Variants in DPY30 observed in about 807,000 individuals in gnomAD.
DPY30 encodes the protein protein dpy-30 homolog.
In DPY30, 6 loss-of-function variants were observed where a neutral mutation model predicts 16.2. The observed-to-expected ratio is 0.37, with a 90% confidence interval of 0.20 to 0.73. DPY30 has a LOEUF of 0.73. DPY30 is among the 30% of genes least tolerant of loss of function. The probability of loss-of-function intolerance (pLI) is 0.51; values close to 1 mark genes in which losing one functional copy is unlikely to be tolerated. For missense variants in DPY30, 73 were observed against 113.1 expected, an observed-to-expected ratio of 0.65 and a Z score of 1.61; for synonymous variants, 39 against 38.8, an observed-to-expected ratio of 1.00 and a Z score of -0.02.
rs188726572 is a variant in DPY30, at chr2:32,030,210, G to A, written c.85-474C>T. Among the ~76,000 whole-genome samples the A allele has an allele frequency of 3.3e-4, 50 of 152,160 alleles. 1 individual carries two copies. The highest frequency in any genetic ancestry group is 2.5e-3 in the East Asian group (13 of 5,186). On this transcript the variant is annotated intron_variant, in intron 3 of 4. Coordinates refer to ENST00000342166, the MANE Select transcript of DPY30 (RefSeq NM_001321209.2). Reference sequence around the variant, plus strand: ...AGCTAAAATTTATTACCATTGTCTTGTATTCACTGTTGTCATTTTTATGGT... The same window carrying A: ...AGCTAAAATTTATTACCATTGTCTTATATTCACTGTTGTCATTTTTATGGT...
At chr2:32,032,274 T>C (rs1446798005) in intron 3 of DPY30, among the ~76,000 whole-genome samples, 1 of 152,208 alleles carries the variant, frequency 6.6e-6, no homozygotes, top group Non-Finnish European at 1.5e-5. Flanking sequence ...GGACTGAAAA[T>C]TTTATTTTTC....
At chr2:32,028,955 C>G (rs1221042409) in intron 4 of DPY30, among the ~76,000 whole-genome samples, 1 of 151,854 alleles carries the variant, frequency 6.6e-6, no homozygotes, top group Non-Finnish European at 1.5e-5. Context: ...CATAGCAAGA[C>G]TCTGTCTCAA....
intron 2 of DPY30, 34 bp from the exon 3 acceptor site, chr2:32,039,360 GTC>G: frequency 1.9e-6 from 3 of 1,614,078 alleles, no homozygotes; most frequent in Non-Finnish European, 2.5e-6. Flanking sequence ...AGAGATATAA[GTC>G]CCCCCTTTCT....
chr2:32,032,414 A>G (rs1675574805), intron 3 of DPY30, among the ~76,000 whole-genome samples: 2 of 152,228 alleles, frequency 1.3e-5, no homozygotes, highest in South Asian at 2.1e-4. Context: ...TGACAGTATC[A>G]TCTTGAATGA....
Position 32,029,343 on chromosome 2 carries a change from T to C in DPY30, c.227+251A>G, listed in dbSNP as rs560210175. Among the ~76,000 whole-genome samples, 6 of 152,232 alleles carry C rather than the reference T, an allele frequency of 3.9e-5. No homozygotes were observed. The South Asian group carries it at 1.2e-3, about 32-fold the overall frequency. On this transcript the variant is annotated intron_variant, in intron 4 of 4. Coordinates refer to ENST00000342166, the MANE Select transcript of DPY30 (RefSeq NM_001321209.2). ...GATACAGAAAAATGTTATGTCATAA[T>C]AAATAAAAAGAAAAATCAAAATTAC...
chr2:32,027,992 TA>T (rs889382226), intron 4 of DPY30, among the ~76,000 whole-genome samples: 3 of 152,158 alleles, frequency 2.0e-5, no homozygotes, highest in African/African-American at 7.2e-5. Context: ...AAATAAATGG[TA>T]ATTTACAAAT....
rs753789103 is a variant in DPY30 at position 32,039,329 on chromosome 2, A to G, written c.37-3T>C. ...TCAGAGTGAGGATTTTCTGCAACCT[A>G]GAAAACAAAACACCGGTCACAGAGA... On this transcript the variant is annotated splice_region_variant and splice_polypyrimidine_tract_variant and intron_variant, in intron 2 of 4. Coordinates refer to ENST00000342166, the MANE Select transcript of DPY30 (RefSeq NM_001321209.2). 6.2e-7 allele frequency: 1 copy of G among 1,614,160 alleles called. No individual in the cohort carries two copies. Among genetic ancestry groups the G allele is most frequent in the South Asian group, 1.1e-5 (1 of 91,084 alleles).
chr2:32,036,856 G>A (rs1314669031), intron 3 of DPY30, among the ~76,000 whole-genome samples: 4 of 151,648 alleles, frequency 2.6e-5, no homozygotes, highest in South Asian at 2.1e-4. Context: ...GAGACAGAGC[G>A]AGACTCTGTT....
At chr2:32,030,077 A>AT (rs1304860728) in intron 3 of DPY30, among the ~76,000 whole-genome samples, 9 of 150,058 alleles carry the variant, frequency 6.0e-5, no homozygotes, top group African/African-American at 2.0e-4. Context: ...AAAAAAAAAA[A>AT]AAAAATAATG....
intron 3 of DPY30, among the ~76,000 whole-genome samples, chr2:32,035,892 C>T (rs1218973261): frequency 6.7e-6 from 1 of 150,342 alleles, no homozygotes. Flanking sequence ...CGAGATCACG[C>T]CATTGCACTC....
In DPY30 at chr2:32,024,117, A is replaced by T; in HGVS notation, c.*67T>A. 1.3e-5 allele frequency: 20 copies of T among 1,570,648 alleles called. No individual in the cohort carries two copies. In the South Asian group the frequency reaches 2.3e-4, roughly 18 times the overall value. On this transcript the variant is annotated 3_prime_UTR_variant, in exon 5 of 5. Coordinates refer to ENST00000342166, the MANE Select transcript of DPY30 (RefSeq NM_001321209.2). ...CCAAAAAGAGGGAATGATCATGGCA[A>T]TTAAAGCTGCCTCTTAATCATGTAA...
At chr2:32,039,013 A>G (rs1040364006) in intron 3 of DPY30, among the ~76,000 whole-genome samples, 4 of 152,220 alleles carry the variant, frequency 2.6e-5, no homozygotes, top group Non-Finnish European at 4.4e-5. Context: ...ATTAAAAGCC[A>G]CCAAGAAAAA....
chr2:32,038,446 G>A (rs1056124810), intron 3 of DPY30, among the ~76,000 whole-genome samples: 5 of 147,584 alleles, frequency 3.4e-5, no homozygotes, highest in African/African-American at 1.3e-4. Flanking sequence ...TAGGGACAGG[G>A]TCACATGCTG....
intron 5 of DPY30, chr2:32,013,352 A>G (rs927851312): frequency 6.6e-6 from 1 of 152,224 alleles, no homozygotes; most frequent in Non-Finnish European, 1.5e-5. Context: ...AAAGATCACA[A>G]TGCAATTGAA....
intron 3 of DPY30, among the ~76,000 whole-genome samples, chr2:32,031,181 C>T (rs898343619): frequency 1.7e-4 from 26 of 151,098 alleles, no homozygotes; most frequent in East Asian, 4.0e-4. Context: ...CCAGCACTTT[C>T]GGAGGCCAAG....
chr2:32,038,701 G>A (rs1054946348), intron 3 of DPY30, among the ~76,000 whole-genome samples: 1 of 128,766 alleles, frequency 7.8e-6, no homozygotes, highest in Non-Finnish European at 1.5e-5. Context: ...CCAGGCTGTA[G>A]TGCAGTGGCG....
At chr2:32,024,640 T>G (rs1307007431) in intron 4 of DPY30, among the ~76,000 whole-genome samples, 1 of 152,224 alleles carries the variant, frequency 6.6e-6, no homozygotes, top group African/African-American at 2.4e-5. Flanking sequence ...GTTTAGTTTG[T>G]GAAAATTCAT....
chr2:32,017,615 CAAAA>C (rs59826181), intron 5 of DPY30, among the ~76,000 whole-genome samples: 2 of 134,256 alleles, frequency 1.5e-5, no homozygotes, highest in Non-Finnish European at 1.6e-5. Context: ...AACACCATCT[CAAAA>C]AAAAAAAAAA....
intron 4 of DPY30, among the ~76,000 whole-genome samples, chr2:32,025,657 G>A (rs943577670): frequency 4.0e-5 from 6 of 151,342 alleles, no homozygotes; most frequent in Non-Finnish European, 7.4e-5. Flanking sequence ...AGCTACTCAG[G>A]AGGATGAGGC....
Sources: gnomAD v4.1 joint callset for allele counts (sites outside exome capture counted in the v4.1 genomes callset) on GRCh38, gnomAD v4.1.1 for gene constraint, MANE v1.5 for transcripts, NCBI Gene and HGNC (gene_info 2026-07-23, HGNC 2026-07-21) for gene names.